The following ZNF451 variants were observed in gnomAD, a reference collection of about 807,000 sequenced individuals.
ZNF451 encodes E3 SUMO-protein ligase ZNF451.
Under a neutral mutation model 107.1 loss-of-function variants are expected in ZNF451, and 80 were observed. The observed-to-expected ratio is 0.75, with a 90% confidence interval of 0.62 to 0.90. The LOEUF (loss-of-function observed/expected upper bound fraction) is 0.90. Among genes scored for constraint, ZNF451 ranks in the 40% least tolerant of loss-of-function variants. The pLI is 0.00. For missense variants in ZNF451, 1,107 were observed against 1,236.2 expected (o/e 0.90, Z 1.57); for synonymous variants, 362 against 406.5 (o/e 0.89, Z 1.32).
rs370961341 is a variant in ZNF451 at position 57,147,849 on chromosome 6, A to G, written c.1764A>G (p.Ser588=). 2 of 1,614,002 alleles carry G rather than the reference A, an allele frequency of 1.2e-6. No homozygotes were observed. The highest frequency in any genetic ancestry group is 2.7e-5 in the African/African-American group (2 of 74,932). Residue 588 remains serine (S), a synonymous_variant, in exon 10 of 15, where the codon TCA becomes TCG. Transcript: ENST00000370706. The part of the protein sequence containing the change: ...LDNLTANKPS[S]AITVIDHSPA... ...ATTTGACTGCTAACAAGCCTTCATC[A>G]GCTATTACTGTTATTGATCATTCCC...
chr6:57,134,234 C>T (rs1372199740), intron 6 of ZNF451: 1 of 152,118 alleles, frequency 6.6e-6, no homozygotes, highest in African/African-American at 2.4e-5. Context: ...GGGGAGGGAA[C>T]AAAATTTGAT....
In ZNF451 at chr6:57,124,761, G is replaced by T; in HGVS notation, c.214G>T (p.Asp72Tyr). ...GAATATTAAACGTAAAGACCATATT[G>T]ATTATCAGAAGGATAAAGTTGCTTT... Reference protein sequence around the residue: ...DENIKRKDHIDYQKDKVALTL... With the variant: ...DENIKRKDHIYYQKDKVALTL... Residue 72 changes from aspartate (D) to tyrosine (Y), a missense_variant, in exon 4 of 15, where the codon GAT (aspartate) becomes TAT (tyrosine). Physicochemically the swap from Asp to Tyr is radical, Grantham distance 160. Around this residue, in one of 5 missense-constraint regions of ZNF451, gnomAD observed 339 missense variants for 372.8 expected, o/e 0.91. Transcript: ENST00000370706. 6.3e-7 allele frequency: 1 copy of T among 1,595,658 alleles called. No homozygotes were observed. Among genetic ancestry groups the T allele is most frequent in the South Asian group, 1.1e-5 (1 of 90,248 alleles).
chr6:57,138,741 A>ATGTGTGTGTGTGTG (rs1185366526), intron 7 of ZNF451, among the ~76,000 whole-genome samples: 2 of 46,588 alleles, frequency 4.3e-5, no homozygotes, highest in Admixed American at 3.9e-4. Flanking sequence ...ATATATATAT[A>ATGTGTGTGTGTGTG]TGTGTGTGTG....
intron 2 of ZNF451, 68 bp from the exon 3 acceptor site, chr6:57,098,993 G>A: frequency 1.6e-6 from 2 of 1,285,610 alleles, no homozygotes; most frequent in Non-Finnish European, 2.3e-6. Context: ...AAAAAACACT[G>A]TAGGTTTAAA....
At chr6:57,145,039 TTTAA>T (rs1202378089) in intron 9 of ZNF451, among the ~76,000 whole-genome samples, 3 of 152,248 alleles carry the variant, frequency 2.0e-5, no homozygotes, top group African/African-American at 4.8e-5. Flanking sequence ...TTGTTTCCAA[TTTAA>T]TTCCACAATA....
intron 6 of ZNF451, among the ~76,000 whole-genome samples, chr6:57,133,671 T>C (rs1024512661): frequency 6.6e-6 from 1 of 152,004 alleles, no homozygotes; most frequent in African/African-American, 2.4e-5. Context: ...AGTTTGGTGG[T>C]TTTTGTTTGT....
chr6:57,132,651 T>C (rs148355990), intron 5 of ZNF451, among the ~76,000 whole-genome samples: 1 of 152,174 alleles, frequency 6.6e-6, no homozygotes, highest in African/African-American at 2.4e-5. Context: ...CTAATGCATT[T>C]GGTCTTTAAC....
chr6:57,159,436 A>AACCTGTGGCCCACGGGCC (rs1763570463), intron 13 of ZNF451: 9 of 982,228 alleles, frequency 9.2e-6, no homozygotes, highest in Non-Finnish European at 1.1e-5. Context: ...AAGCTTGTCT[A>AACCTGTGGCCCACGGGCC]ACCTGTGGCC....
intron 3 of ZNF451, chr6:57,101,641 C>A: frequency 6.4e-7 from 1 of 1,550,706 alleles, no homozygotes. Flanking sequence ...CATGGAAGAT[C>A]TGGTTCATGA....
chr6:57,159,217 T>A lies in ZNF451; in HGVS notation c.3071-1867T>A, dbSNP rs888627508. The A allele has an allele frequency of 5.1e-6, 5 of 985,320 alleles. No individual in the cohort carries two copies. The African/African-American group carries it at 8.7e-5, about 17-fold the overall frequency. The allele number at this position is 985,320 out of a possible 1,614,324, so 61.0% of individuals were successfully genotyped here. ...TGATGGAGGCAAAAGAAACCTTTTATGATATTAATATTTGCAACCCCATGT... is the reference window on the plus strand; with the variant it reads ...TGATGGAGGCAAAAGAAACCTTTTAAGATATTAATATTTGCAACCCCATGT... On this transcript the variant is annotated intron_variant, in intron 13 of 14. Coordinates refer to ENST00000370706, the MANE Select transcript of ZNF451 (RefSeq NM_001031623.3).
Position 57,148,091 on chromosome 6 carries a change from G to T in ZNF451, c.2006G>T (p.Cys669Phe). The part of the protein sequence containing the change: ...HDNEIKIKYF[C>F]GLCDLIFNVE... ...AATGAGATAAAGATTAAATACTTCT[G>T]TGGGCTTTGTGATCTTATCTTTAAT... is the stretch of plus-strand genomic sequence containing the variant. Residue 669 changes from cysteine to phenylalanine, a missense_variant, in exon 10 of 15, where the codon TGT becomes TTT. Around this residue, in one of 5 missense-constraint regions of ZNF451, gnomAD observed 608 missense variants for 649.2 expected, o/e 0.94. Coordinates refer to ENST00000370706, the MANE Select transcript of ZNF451 (RefSeq NM_001031623.3). 25 of 1,614,048 alleles carry T rather than the reference G, an allele frequency of 1.5e-5. No homozygotes were observed. The highest frequency in any genetic ancestry group is 2.1e-5 in the Non-Finnish European group (25 of 1,179,976).
intron 9 of ZNF451, among the ~76,000 whole-genome samples, chr6:57,144,463 A>G (rs1307781720): frequency 1.3e-5 from 2 of 149,714 alleles, no homozygotes; most frequent in African/African-American, 4.9e-5. Flanking sequence ...ATGGTCTTGA[A>G]CTCCTGACCT....
chr6:57,118,651 T>TTTTTAATTTTAA (rs1286386821), intron 3 of ZNF451, among the ~76,000 whole-genome samples: 1 of 151,878 alleles, frequency 6.6e-6, no homozygotes, highest in Non-Finnish European at 1.5e-5. Flanking sequence ...CCCAGCTAAA[T>TTTTTAATTTTAA]TTTTAATTTT....
At chr6:57,156,656 A>G (rs1178630961) in intron 13 of ZNF451, among the ~76,000 whole-genome samples, 1 of 152,170 alleles carries the variant, frequency 6.6e-6, no homozygotes, top group Non-Finnish European at 1.5e-5. Flanking sequence ...ATTGCATACA[A>G]TTTCAAGGGA....
intron 3 of ZNF451, chr6:57,105,359 A>T: frequency 1.0e-6 from 1 of 984,108 alleles, no homozygotes; most frequent in Non-Finnish European, 1.2e-6. Context: ...TGTATAGAGA[A>T]GTACTGTTTC....
intron 3 of ZNF451, chr6:57,107,845 T>C: frequency 2.0e-6 from 2 of 979,434 alleles, no homozygotes; most frequent in Non-Finnish European, 2.4e-6. Context: ...ATGATTTTTT[T>C]TTTTTTTTTT....
chr6:57,106,804 A>G, intron 3 of ZNF451: 1 of 985,302 alleles, frequency 1.0e-6, no homozygotes, highest in Non-Finnish European at 1.2e-6. Context: ...TTATCATAGT[A>G]GATACACAAA....
chr6:57,096,307 C>T (rs984582445), intron 2 of ZNF451, among the ~76,000 whole-genome samples: 4 of 150,022 alleles, frequency 2.7e-5, no homozygotes, highest in Non-Finnish European at 5.9e-5. Flanking sequence ...GCCTCAGTCT[C>T]CTGAGTAGCT....
At chr6:57,123,176 A>G (rs1006310699) in intron 3 of ZNF451, among the ~76,000 whole-genome samples, 3 of 152,210 alleles carry the variant, frequency 2.0e-5, no homozygotes, top group African/African-American at 7.2e-5. Flanking sequence ...TCAAAAATAA[A>G]TAATAAATCA....
Sources: gnomAD v4.1 joint callset for allele counts (sites outside exome capture counted in the v4.1 genomes callset) on GRCh38, gnomAD v4.1.1 for gene constraint, gnomAD v4.1.1 regional missense constraint, MANE v1.5 for transcripts, NCBI Gene and HGNC (gene_info 2026-07-23, HGNC 2026-07-21) for gene names.